The following IQCM variants were observed in gnomAD, a reference collection of about 807,000 sequenced individuals.
The protein encoded by IQCM is IQ domain-containing protein M.
Under a neutral mutation model 57.6 loss-of-function variants are expected in IQCM, and 45 were observed. The observed-to-expected ratio is 0.78, with a 90% CI of 0.62 to 1.00. IQCM has a LOEUF of 1.00. IQCM is among the 50% of genes least tolerant of loss of function. IQCM has a pLI of 0.00. For missense variants in IQCM, 468 were observed against 511.6 expected, an observed-to-expected ratio of 0.91 and a Z score of 0.82; for synonymous variants, 148 against 158.9, an observed-to-expected ratio of 0.93 and a Z score of 0.51.
At chr4:149,513,313 T>A (rs979021760) in intron 12 of IQCM, among the ~76,000 whole-genome samples, 1 of 152,194 alleles carries the variant, frequency 6.6e-6, no homozygotes, top group Non-Finnish European at 1.5e-5. Flanking sequence ...GCCCAAGTCA[T>A]CCTTATGTTC....
chr4:149,755,770 G>T (rs1768901636), intron 2 of IQCM, among the ~76,000 whole-genome samples: 2 of 152,072 alleles, frequency 1.3e-5, no homozygotes, highest in Admixed American at 6.5e-5. Flanking sequence ...ACTTTTTCCA[G>T]GTGCACTTGA....
At chr4:149,568,416 T>C (rs889854935) in intron 9 of IQCM, among the ~76,000 whole-genome samples, 14 of 152,134 alleles carry the variant, frequency 9.2e-5, no homozygotes, top group African/African-American at 3.4e-4. Flanking sequence ...GGCTGTCCTG[T>C]TTATCAAATC....
chr4:149,811,298 T>G (rs1370606869), intron 2 of IQCM, among the ~76,000 whole-genome samples: 1 of 152,130 alleles, frequency 6.6e-6, no homozygotes, highest in Admixed American at 6.5e-5. Context: ...AACTGAGTAA[T>G]TCTGGGCTTT....
rs962104678 is a variant in IQCM, at chr4:149,548,865, C to T, written c.1094-276G>A. Among the ~76,000 whole-genome samples, 6 of 152,160 alleles carry T rather than the reference C, an allele frequency of 3.9e-5. 2 individuals are homozygous for T. The highest frequency in any genetic ancestry group is 3.9e-4 in the Admixed American group (6 of 15,274). ...CATAAATCCTATAATGTCAACTCAA[C>T]CATGTCATAAGACATAGTTTTTATG... On this transcript the variant is annotated intron_variant, in intron 11 of 13. Transcript: ENST00000636793.
At chr4:149,467,122 G>A (rs1738939365) in intron 12 of IQCM, among the ~76,000 whole-genome samples, 1 of 152,142 alleles carries the variant, frequency 6.6e-6, no homozygotes, top group South Asian at 2.1e-4. Flanking sequence ...AAAATATTCT[G>A]TAACAGGCAA....
At chr4:149,460,224 A>G (rs1391758445) in intron 12 of IQCM, among the ~76,000 whole-genome samples, 2 of 152,092 alleles carry the variant, frequency 1.3e-5, no homozygotes, top group East Asian at 3.8e-4. Context: ...TCTACTTTGG[A>G]GAAATGTTTA....
intron 13 of IQCM, among the ~76,000 whole-genome samples, chr4:149,399,911 G>T (rs1732493587): frequency 6.6e-6 from 1 of 151,954 alleles, no homozygotes; most frequent in African/African-American, 2.4e-5. Flanking sequence ...GAAAAGGCTA[G>T]AATTTATGTA....
At chr4:149,431,181 G>A (rs1327072533) in intron 13 of IQCM, among the ~76,000 whole-genome samples, 1 of 151,768 alleles carries the variant, frequency 6.6e-6, no homozygotes, top group Non-Finnish European at 1.5e-5. Context: ...CTCCAGTCTG[G>A]GCTACAAAGT....
At chr4:149,814,806 G>T (rs1348464038) in intron 2 of IQCM, among the ~76,000 whole-genome samples, 2 of 151,890 alleles carry the variant, frequency 1.3e-5, no homozygotes, top group African/African-American at 2.4e-5. Flanking sequence ...AATACTGATG[G>T]TTCTGTATAT....
chr4:149,578,305 AC>A (rs2149978196), intron 9 of IQCM, among the ~76,000 whole-genome samples: 1 of 151,868 alleles, frequency 6.6e-6, no homozygotes. Flanking sequence ...ACTCTCTTTA[AC>A]CTAAACATGT....
chr4:149,456,566 T>A (rs1003308733), intron 12 of IQCM, among the ~76,000 whole-genome samples: 28 of 152,078 alleles, frequency 1.8e-4, no homozygotes, highest in Non-Finnish European at 4.0e-4. Flanking sequence ...ACCCATCACA[T>A]GAGCAGATCA....
At chr4:149,400,329 G>A (rs1732529202) in intron 13 of IQCM, among the ~76,000 whole-genome samples, 1 of 151,696 alleles carries the variant, frequency 6.6e-6, no homozygotes, top group Non-Finnish European at 1.5e-5. Context: ...TAAAAACAAA[G>A]CCTTAAAAGT....
intron 7 of IQCM, 117 bp from the exon 8 acceptor site, chr4:149,621,361 G>A (rs1756317851): frequency 2.4e-6 from 1 of 416,774 alleles, no homozygotes; most frequent in African/African-American, 2.0e-5. Flanking sequence ...TCACTATTCT[G>A]TATTAAAATC....
chr4:149,435,156 T>C, intron 12 of IQCM, among the ~76,000 whole-genome samples: 1 of 152,166 alleles, frequency 6.6e-6, no homozygotes, highest in Non-Finnish European at 1.5e-5. Flanking sequence ...TTTACTCCAA[T>C]CTCTGTCATA....
chr4:149,375,423 C>G (rs1476470240), intron 13 of IQCM, among the ~76,000 whole-genome samples: 1 of 152,090 alleles, frequency 6.6e-6, no homozygotes, highest in East Asian at 1.9e-4. Flanking sequence ...TCAGAGAAGT[C>G]TAACACAAAG....
intron 12 of IQCM, among the ~76,000 whole-genome samples, chr4:149,529,772 C>T (rs1746546838): frequency 6.6e-6 from 1 of 152,194 alleles, no homozygotes; most frequent in South Asian, 2.1e-4. Context: ...AATAGCTTCC[C>T]AGCCAATTCT....
At chr4:149,571,949 C>T (rs779029072) in intron 9 of IQCM, among the ~76,000 whole-genome samples, 2 of 152,032 alleles carry the variant, frequency 1.3e-5, no homozygotes, top group Non-Finnish European at 2.9e-5. Flanking sequence ...TAAGCACCTG[C>T]TACCCTGTGA....
At chr4:149,636,925 T>C (rs946072967) in intron 7 of IQCM, among the ~76,000 whole-genome samples, 2 of 150,672 alleles carry the variant, frequency 1.3e-5, no homozygotes, top group Non-Finnish European at 3.0e-5. Context: ...GGGTGGATCA[T>C]GAGGTCAGGA....
intron 2 of IQCM, among the ~76,000 whole-genome samples, chr4:149,813,893 T>C (rs554452252): frequency 6.6e-6 from 1 of 152,154 alleles, no homozygotes; most frequent in African/African-American, 2.4e-5. Context: ...CACAAGCTGA[T>C]AAAGTGCAAA....
Sources: allele counts gnomAD v4.1 joint callset (sites outside exome capture counted in the v4.1 genomes callset), GRCh38; gene constraint gnomAD v4.1.1; transcripts MANE v1.5; gene names NCBI Gene and HGNC (gene_info 2026-07-23, HGNC 2026-07-21).